ARID4B: variants seen among roughly 807,000 people sequenced by gnomAD.
The protein encoded by ARID4B is AT-rich interactive domain-containing protein 4B.
Under a neutral mutation model 147.5 loss-of-function variants are expected in ARID4B, and 26 were observed. The observed-to-expected ratio is 0.18, with a 90% CI of 0.13 to 0.24. The LOEUF is 0.24. Ranked by LOEUF, ARID4B falls within the 10% of genes least tolerant of loss-of-function variation. The pLI, the probability that ARID4B is intolerant of heterozygous loss-of-function variation, is 1.00. For missense variants in ARID4B, 1,179 were observed against 1,511.5 expected (o/e 0.78, Z 3.65); for synonymous variants, 512 against 507.9 (o/e 1.01, Z -0.11).
At chr1:235,275,765 T>C (rs1671277527) in intron 2 of ARID4B, among the ~76,000 whole-genome samples, 1 of 152,236 alleles carries the variant, frequency 6.6e-6, no homozygotes, top group Non-Finnish European at 1.5e-5. Flanking sequence ...TGCCCTGGGA[T>C]ATTCAGAACT....
intron 6 of ARID4B, among the ~76,000 whole-genome samples, chr1:235,250,061 C>A: frequency 6.6e-6 from 1 of 151,896 alleles, no homozygotes; most frequent in East Asian, 1.9e-4. Context: ...GAGCCGAGAT[C>A]GCACCACTGC....
At position 235,219,863 on chromosome 1, in the gene ARID4B, C is replaced by T; in HGVS notation, c.1513G>A (p.Asp505Asn). 6.2e-7 allele frequency: 1 copy of T among 1,609,578 alleles called. No homozygotes were observed. Among genetic ancestry groups the T allele is most frequent in the South Asian group, 1.1e-5 (1 of 90,074 alleles). The change falls in exon 16 of 24, where the codon GAT (aspartate) becomes AAT (asparagine). Residue 505 changes from aspartate (D) to asparagine (N), a missense_variant. Asp to Asn is a conservative substitution (Grantham distance 23). Transcript: ENST00000264183. ...EDNENLDDKD[D>N]DTTRVDESLN... ...GATTCATCTACCCTAGTTGTGTCATCATCTTTGTCATCCAGATTTTCATTG... is the reference window on the plus strand; with the variant it reads ...GATTCATCTACCCTAGTTGTGTCATTATCTTTGTCATCCAGATTTTCATTG...
chr1:235,170,785 C>T (rs1663285421), intron 23 of ARID4B, among the ~76,000 whole-genome samples: 1 of 151,636 alleles, frequency 6.6e-6, no homozygotes, highest in Non-Finnish European at 1.5e-5. Context: ...TGGCGGCACG[C>T]ACCTGTAGTC....
At chr1:235,192,658 A>G (rs1345675529) in intron 19 of ARID4B, among the ~76,000 whole-genome samples, 1 of 151,974 alleles carries the variant, frequency 6.6e-6, no homozygotes, top group Non-Finnish European at 1.5e-5. Flanking sequence ...ATGAGAAATG[A>G]TAAGATATTT....
intron 18 of ARID4B, 88 bp downstream of exon 18, chr1:235,195,943 G>T: frequency 1.3e-6 from 1 of 782,556 alleles, no homozygotes; most frequent in Non-Finnish European, 2.2e-6. Flanking sequence ...TTTCAATAAA[G>T]TGTAACACTA....
chr1:235,240,949 C>T (rs1408657627), intron 7 of ARID4B, among the ~76,000 whole-genome samples: 2 of 152,124 alleles, frequency 1.3e-5, no homozygotes, highest in African/African-American at 2.4e-5. Flanking sequence ...ACAACAAATA[C>T]ACACCAATTA....
intron 2 of ARID4B, among the ~76,000 whole-genome samples, chr1:235,321,331 T>A (rs116515890): frequency 2.0e-5 from 3 of 152,190 alleles, no homozygotes; most frequent in Admixed American, 2.0e-4. Flanking sequence ...ATCATAGATA[T>A]GAGGTTAACA....
chr1:235,322,296 AG>A (rs774595775), intron 2 of ARID4B, among the ~76,000 whole-genome samples: 3 of 152,154 alleles, frequency 2.0e-5, no homozygotes, highest in Non-Finnish European at 4.4e-5. Flanking sequence ...CTGGGATTAC[AG>A]GTGTGAGACA....
At chr1:235,294,962 G>T (rs1672590269) in intron 2 of ARID4B, among the ~76,000 whole-genome samples, 1 of 150,950 alleles carries the variant, frequency 6.6e-6, no homozygotes. Context: ...AATACACAGA[G>T]AATTATTATT....
intron 17 of ARID4B, among the ~76,000 whole-genome samples, chr1:235,212,760 G>A (rs1160144042): frequency 6.6e-6 from 1 of 152,184 alleles, no homozygotes; most frequent in East Asian, 1.9e-4. Context: ...TAGAGAAAGG[G>A]CATTGTGGGA....
Position 235,194,051 on chromosome 1 carries a change from T to A in ARID4B, c.2087A>T (p.Lys696Met). Residue 696 changes from lysine (K) to methionine (M), a missense_variant, in exon 19 of 24, where the codon AAG becomes ATG. Around this residue, in one of 10 missense-constraint regions of ARID4B, gnomAD observed 321 missense variants for 342.4 expected, o/e 0.94. Coordinates refer to ENST00000264183, the MANE Select transcript of ARID4B (RefSeq NM_016374.6). ...DAKNSDTAHI[K>M]SIEITSILNG... ...AAGGATCGAAGTAATTTCTATGGAC[T>A]TAATATGAGCAGTATCAGAGTTTTT... 1 of 1,612,092 alleles carries A rather than the reference T, an allele frequency of 6.2e-7. No individual in the cohort carries two copies.
Position 235,236,833 on chromosome 1 carries a change from A to ATATAT in ARID4B, c.586-2342_586-2341insATATA, listed in dbSNP as rs1668597409. On this transcript the variant is annotated intron_variant, in intron 8 of 23. Transcript: ENST00000264183. ...TGGCCCACAAAACGGTTTTATAAAA[A>ATATAT]ATATATATATATATATATATATATA... Among the ~76,000 whole-genome samples the ATATAT allele has an allele frequency of 4.3e-3, 144 of 33,498 alleles. 17 individuals carry two copies. Among genetic ancestry groups the ATATAT allele is most frequent in the African/African-American group, 5.7e-3 (38 of 6,716 alleles). The allele number at this position is 33,498 out of a possible 152,430, so 22.0% of individuals were successfully genotyped here. A position where few individuals can be genotyped will look rare whatever the true frequency, so the allele number is the denominator to read the frequency against.
At chr1:235,279,261 A>G (rs574469643) in intron 2 of ARID4B, among the ~76,000 whole-genome samples, 1 of 152,114 alleles carries the variant, frequency 6.6e-6, no homozygotes, top group South Asian at 2.1e-4. Flanking sequence ...TCTAGGTCTT[A>G]AGTAGATATT....
intron 17 of ARID4B, among the ~76,000 whole-genome samples, chr1:235,213,402 C>CA (rs1334207229): frequency 6.6e-6 from 1 of 152,056 alleles, no homozygotes; most frequent in African/African-American, 2.4e-5. Flanking sequence ...CTTCAGAATA[C>CA]AAAAAAGAGG....
rs371522125 is a variant in ARID4B at position 235,271,676 on chromosome 1, C to T, written c.7-10924G>A. Among the ~76,000 whole-genome samples, 23 of 151,622 alleles carry T rather than the reference C, an allele frequency of 1.5e-4. No homozygotes were observed. In the East Asian group the frequency reaches 3.3e-3, roughly 22 times the overall value. On this transcript the variant is annotated intron_variant, in intron 2 of 23. Transcript: ENST00000264183. ...ATAATAATAATAATCCAGCCAGGCA[C>T]GGTGGCTCACACCTGTAATCCCAAC... is the stretch of plus-strand genomic sequence containing the variant.
At chr1:235,179,503 A>G (rs575675527) in intron 20 of ARID4B, among the ~76,000 whole-genome samples, 4 of 147,844 alleles carry the variant, frequency 2.7e-5, no homozygotes, top group Non-Finnish European at 6.0e-5. Context: ...AGCCTGGGCA[A>G]CAAGAGCAAA....
rs570552310 is a variant in ARID4B at position 235,307,289 on chromosome 1, A to T, written c.6+19625T>A. The stretch of plus-strand genomic sequence containing the variant: ...TGAGGCCACAGCACTACAAAAAAAT[A>T]AAAAACTTAGCTGAATGTGGTGGCG... On this transcript the variant is annotated intron_variant, in intron 2 of 23. Coordinates refer to ENST00000264183, the MANE Select transcript of ARID4B (RefSeq NM_016374.6). Among the ~76,000 whole-genome samples the T allele has an allele frequency of 9.2e-5, 14 of 152,288 alleles. No individual in the cohort carries two copies. The East Asian group carries it at 1.9e-3, about 21-fold the overall frequency.
intron 19 of ARID4B, among the ~76,000 whole-genome samples, chr1:235,190,277 A>G (rs1225620183): frequency 6.6e-6 from 1 of 152,064 alleles, no homozygotes; most frequent in Admixed American, 6.6e-5. Flanking sequence ...GCAAAACCCC[A>G]TCTCTACTAA....
intron 6 of ARID4B, among the ~76,000 whole-genome samples, chr1:235,248,597 A>G (rs1368534140): frequency 6.6e-6 from 1 of 152,208 alleles, no homozygotes; most frequent in African/African-American, 2.4e-5. Context: ...AGAGAGATTT[A>G]TATCACACAG....
Sources: gnomAD v4.1 joint callset for allele counts (sites outside exome capture counted in the v4.1 genomes callset) on GRCh38, gnomAD v4.1.1 for gene constraint, gnomAD v4.1.1 regional missense constraint, MANE v1.5 for transcripts, NCBI Gene and HGNC (gene_info 2026-07-23, HGNC 2026-07-21) for gene names.